Variants in DENND3 observed in about 807,000 individuals in gnomAD.
The protein encoded by DENND3 is DENN domain-containing protein 3.
A neutral mutation model predicts 135.1 loss-of-function variants in DENND3; 88 were observed. The observed-to-expected ratio is 0.65, with a 90% confidence interval of 0.55 to 0.78. The LOEUF (loss-of-function observed/expected upper bound fraction) is 0.78. Among genes scored for constraint, DENND3 ranks in the 30% least tolerant of loss-of-function variants. DENND3 has a pLI of 0.00. For synonymous variants in DENND3, 693 were observed against 712.3 expected, an observed-to-expected ratio of 0.97 and a Z score of 0.43; for missense variants, 1,392 against 1,688.4, an observed-to-expected ratio of 0.82 and a Z score of 3.08.
At chr8:141,148,983 T>G (rs1818470623) in intron 5 of DENND3, among the ~76,000 whole-genome samples, 1 of 151,936 alleles carries the variant, frequency 6.6e-6, no homozygotes, top group South Asian at 2.1e-4. Context: ...CAGTCTCGGC[T>G]CACCGCAACC....
At chr8:141,145,803 T>TTTTATA (rs1246792571) in intron 5 of DENND3, among the ~76,000 whole-genome samples, 10 of 87,120 alleles carry the variant, frequency 1.1e-4, no homozygotes, top group South Asian at 4.2e-4. Context: ...ATATTGAATA[T>TTTTATA]TATATATATA....
In DENND3 at chr8:141,175,177, T is replaced by C. The variant is rs544339515; in HGVS notation, c.2276-23T>C. ...GAGGTATGTGGCTGTAAGATACCTC[T>C]CTTTTCTTCTTATCAAACTAAGGAC... On this transcript the variant is annotated intron_variant, in intron 13 of 22. Coordinates refer to ENST00000519811, the MANE Select transcript of DENND3 (RefSeq NM_001352890.3). This position sits in a 1 kb window ranked among gnomAD's most constrained non-coding sequence, Gnocchi z 5.4. 185 of 1,601,298 alleles carry C rather than the reference T, an allele frequency of 1.2e-4. 2 individuals are homozygous for C. In the South Asian group the frequency reaches 2.0e-3, roughly 17 times the overall value.
chr8:141,192,840 T>C (rs1344373061), intron 22 of DENND3, 177 bp downstream of exon 22: 12 of 1,542,648 alleles, frequency 7.8e-6, no homozygotes, highest in Middle Eastern at 3.3e-4. Context: ...CAGGTCACCA[T>C]GTGCTGGTTT....
At chr8:141,176,384 G>T (rs1348058287) in intron 14 of DENND3, 2 of 598,718 alleles carry the variant, frequency 3.3e-6, no homozygotes, top group Non-Finnish European at 5.9e-6. Context: ...GTGTGGGTGG[G>T]TGTAGGTGCC....
intron 18 of DENND3, 93 bp downstream of exon 18, chr8:141,185,371 G>A (rs866608600): frequency 4.6e-6 from 7 of 1,522,554 alleles, no homozygotes; most frequent in Middle Eastern, 3.5e-4. Context: ...TAGGATACAA[G>A]CTATTCCACA....
chr8:141,169,146 A>G (rs1569556214), intron 13 of DENND3, among the ~76,000 whole-genome samples: 1 of 152,250 alleles, frequency 6.6e-6, no homozygotes, highest in African/African-American at 2.4e-5. Context: ...GGCGTGAGCC[A>G]CCGCGCCTGA....
intron 9 of DENND3, among the ~76,000 whole-genome samples, chr8:141,161,097 C>T (rs900945316): frequency 6.6e-6 from 1 of 152,132 alleles, no homozygotes; most frequent in African/African-American, 2.4e-5. Flanking sequence ...CTCCTGGTGA[C>T]CCCCTGCAGG....
Position 141,128,864 on chromosome 8 carries a change from G to A in DENND3, c.102+55G>A. 1 of 1,288,562 alleles carries A rather than the reference G, an allele frequency of 7.8e-7. No homozygotes were observed. Among genetic ancestry groups the A allele is most frequent in the South Asian group, 1.7e-5 (1 of 58,044 alleles). 79.8% of individuals were successfully genotyped at this position (1,288,562 alleles called of 1,614,324 possible). A position where few individuals can be genotyped will look rare whatever the true frequency, so the allele number is the denominator to read the frequency against. ...GGGCCACGAGTCGGCAGCCGGGACA[G>A]CAGTCGGAGAGCGGGCGCCCGGGTG... On this transcript the variant is annotated intron_variant, in intron 1 of 22. Coordinates refer to ENST00000519811, the MANE Select transcript of DENND3 (RefSeq NM_001352890.3). The surrounding 1 kb of genome is among the most constrained non-coding windows in gnomAD (Gnocchi z 4.5).
chr8:141,190,710 C>T (rs542831102), intron 20 of DENND3: 1 of 334,304 alleles, frequency 3.0e-6, no homozygotes, highest in South Asian at 5.2e-5. Context: ...GTGCCCTGCT[C>T]TGGGGTTGAA....
Position 141,192,656 on chromosome 8 carries a change from A to C in DENND3, c.3629A>C (p.Lys1210Thr), listed in dbSNP as rs1365186503. Reference sequence around the variant, plus strand: ...GAGATCAACTGCATGATCCGGGTGAAGAAGCAGGTAGGGTGGAGGGCCCGC... The same window carrying C: ...GAGATCAACTGCATGATCCGGGTGACGAAGCAGGTAGGGTGGAGGGCCCGC... ...CSEINCMIRVKKQVWVGSRGL... is the reference protein window; with the variant it reads ...CSEINCMIRVTKQVWVGSRGL... The change falls in exon 22 of 23, where the codon AAG (lysine) becomes ACG (threonine). Residue 1210 changes from lysine to threonine, a missense_variant. Lys to Thr is a moderately conservative substitution (Grantham distance 78, BLOSUM62 -1). Transcript: ENST00000519811. 1 of 1,606,464 alleles carries C rather than the reference A, an allele frequency of 6.2e-7. No homozygotes were observed. The highest frequency in any genetic ancestry group is 2.2e-5 in the East Asian group (1 of 44,732).
Position 141,168,032 on chromosome 8 carries a change from T to G in DENND3, c.1782T>G (p.Tyr594Ter). Residue 594 changes from tyrosine (Y) to a stop codon, truncating the protein, a stop_gained, in exon 13 of 23, where the codon TAT becomes TAG. Transcript: ENST00000519811. LOFTEE classifies it high-confidence loss of function. The surrounding 1 kb of genome is among the most constrained non-coding windows in gnomAD (Gnocchi z 6.2). ...AVLNVTPKSP[Y>*]TFKIPEIHFP... ...TGAATGTCACGCCGAAGTCCCCGTA[T>G]ACATTCAAGATTCCCGAAATCCACT... 6.2e-7 allele frequency: 1 copy of G among 1,613,402 alleles called. No homozygotes were observed. Among genetic ancestry groups the G allele is most frequent in the Admixed American group, 1.7e-5 (1 of 60,014 alleles).
rs1426883243 is a variant in DENND3, at chr8:141,128,638, C to T, written c.-70C>T. On this transcript the variant is annotated 5_prime_UTR_variant, in exon 1 of 23. Coordinates refer to ENST00000519811, the MANE Select transcript of DENND3 (RefSeq NM_001352890.3). This position sits in a 1 kb window ranked among gnomAD's most constrained non-coding sequence, Gnocchi z 4.5. ...GGCCCCCAGGCGGCGCGGCTGGTCC[C>T]CAGGGGTCTGCGGGCGACTGCGCGG... 10 of 1,053,940 alleles carry T rather than the reference C, an allele frequency of 9.5e-6. No individual in the cohort carries two copies. In the East Asian group the frequency reaches 2.6e-4, roughly 28 times the overall value. The allele number at this position is 1,053,940 out of a possible 1,614,324, so 65.3% of individuals were successfully genotyped here.
chr8:141,192,499 T>TAGCCCAC, intron 21 of DENND3, 27 bp from the exon 22 acceptor site: 2 of 1,611,130 alleles, frequency 1.2e-6, no homozygotes. Context: ...CCGGGGCCCA[T>TAGCCCAC]AGCCCACACC....
At position 141,194,368 on chromosome 8, in the gene DENND3, TGTGGCCAGCC is replaced by T; in HGVS notation, c.*137_*146del. On this transcript the variant is annotated 3_prime_UTR_variant, in exon 23 of 23. Coordinates refer to ENST00000519811, the MANE Select transcript of DENND3 (RefSeq NM_001352890.3). ...GGCTCAGCATGGAGCCCACTTACCG[TGTGGCCAGCC>T]GCGAGACCCATGGCCACGCACCTTC... 1 of 1,100,910 alleles carries T rather than the reference TGTGGCCAGCC, an allele frequency of 9.1e-7. No individual in the cohort carries two copies. The highest frequency in any genetic ancestry group is 1.3e-6 in the Non-Finnish European group (1 of 776,902). The allele number at this position is 1,100,910 out of a possible 1,614,324, so 68.2% of individuals were successfully genotyped here. A position where few individuals can be genotyped will look rare whatever the true frequency, so the allele number is the denominator to read the frequency against.
intron 16 of DENND3, 117 bp downstream of exon 16, chr8:141,178,313 CT>C: frequency 7.0e-7 from 1 of 1,422,794 alleles, no homozygotes. Context: ...CCAGTTTTTT[CT>C]TTTATATTTG....
intron 17 of DENND3, 184 bp from the exon 18 acceptor site, chr8:141,184,955 C>T: frequency 1.5e-6 from 1 of 663,586 alleles, no homozygotes; most frequent in Non-Finnish European, 2.4e-6. Flanking sequence ...CCAGCTGCCC[C>T]CCTTGACTCT....
intron 13 of DENND3, among the ~76,000 whole-genome samples, chr8:141,169,031 G>T (rs1375378800): frequency 6.6e-6 from 1 of 151,652 alleles, no homozygotes; most frequent in African/African-American, 2.4e-5. Context: ...GCTAATTTTT[G>T]TATTTTTGTA....
intron 8 of DENND3, among the ~76,000 whole-genome samples, chr8:141,160,321 G>A (rs1356428742): frequency 2.0e-5 from 3 of 152,090 alleles, no homozygotes; most frequent in Non-Finnish European, 2.9e-5. Flanking sequence ...TGGGATTACA[G>A]GTGCCTGCCA....
chr8:141,162,906 C>G (rs1293285849), intron 9 of DENND3, among the ~76,000 whole-genome samples: 1 of 152,152 alleles, frequency 6.6e-6, no homozygotes, highest in Admixed American at 6.5e-5. Context: ...AGAGCAAGAC[C>G]CCGTCTAAAC....
Sources: gnomAD v4.1 joint callset for allele counts (sites outside exome capture counted in the v4.1 genomes callset) on GRCh38, gnomAD v4.1.1 for gene constraint, Gnocchi (gnomAD v3.1) non-coding constraint, MANE v1.5 for transcripts, NCBI Gene and HGNC (gene_info 2026-07-23, HGNC 2026-07-21) for gene names.